ARHGAP17: variants seen among roughly 807,000 people sequenced by gnomAD.
ARHGAP17 encodes Rho GTPase activating protein 17.
A neutral mutation model predicts 99.5 loss-of-function variants in ARHGAP17; 57 were observed. That is an observed-to-expected ratio of 0.57 (90% confidence interval 0.46 to 0.71). The LOEUF (loss-of-function observed/expected upper bound fraction) is 0.71. Ranked by LOEUF, ARHGAP17 falls within the 30% of genes least tolerant of loss-of-function variation. The pLI is 0.00. For synonymous variants in ARHGAP17, 417 were observed against 429.6 expected, an observed-to-expected ratio of 0.97 and a Z score of 0.36; for missense variants, 1,000 against 1,122.4, an observed-to-expected ratio of 0.89 and a Z score of 1.56.
chr16:25,011,109 C>T (rs2053632645), intron 1 of ARHGAP17, among the ~76,000 whole-genome samples: 1 of 152,204 alleles, frequency 6.6e-6, no homozygotes, highest in Non-Finnish European at 1.5e-5. Flanking sequence ...CCCAAAAACA[C>T]CATTGGTGAT....
At chr16:24,973,394 C>G (rs1238863535) in intron 3 of ARHGAP17, among the ~76,000 whole-genome samples, 2 of 152,132 alleles carry the variant, frequency 1.3e-5, no homozygotes, top group Admixed American at 6.5e-5. Context: ...GAGACTGCTG[C>G]AATTTTCTCC....
At chr16:24,961,129 G>A (rs958624512) in intron 7 of ARHGAP17, among the ~76,000 whole-genome samples, 1 of 151,946 alleles carries the variant, frequency 6.6e-6, no homozygotes, top group African/African-American at 2.4e-5. Context: ...CTCCCAAAGT[G>A]CTAGGATTAC....
chr16:24,947,501 A>T lies in ARHGAP17; in HGVS notation c.1222T>A (p.Leu408Ile), dbSNP rs1597389010. The T allele has an allele frequency of 1.9e-6, 3 of 1,613,462 alleles. No homozygotes were observed. Among genetic ancestry groups the T allele is most frequent in the East Asian group, 4.5e-5 (2 of 44,888 alleles). The change falls in exon 14 of 20, where the codon TTA (leucine) becomes ATA (isoleucine). Residue 408 changes from leucine (L) to isoleucine (I), a missense_variant. Leu to Ile is a conservative substitution (Grantham distance 5). Coordinates refer to ENST00000289968, the MANE Select transcript of ARHGAP17 (RefSeq NM_001006634.3). The stretch of plus-strand genomic sequence containing the variant: ...ACTTACCCTTCATTTCTGGCCCATA[A>T]CAAGTTAGGGCCTAACACAATCGCA... ...NIAIVLGPNLLWARNEGTLAE... is the reference protein window; with the variant it reads ...NIAIVLGPNLIWARNEGTLAE...
chr16:25,012,987 T>C (rs1311035218), intron 1 of ARHGAP17, among the ~76,000 whole-genome samples: 1 of 151,910 alleles, frequency 6.6e-6, no homozygotes, highest in African/African-American at 2.4e-5. Flanking sequence ...GGCCATGGGG[T>C]AGGAACCACA....
At chr16:24,977,907 G>A (rs962662425) in intron 2 of ARHGAP17, among the ~76,000 whole-genome samples, 4 of 152,208 alleles carry the variant, frequency 2.6e-5, no homozygotes, top group African/African-American at 9.7e-5. Flanking sequence ...AAGAATGAGA[G>A]CAGGCCCTTT....
Position 24,942,052 on chromosome 16 carries a change from C to T in ARHGAP17, c.1425G>A (p.Gly475=), listed in dbSNP as rs1384358253. Residue 475 remains glycine, a synonymous_variant, in exon 16 of 20, where the codon GGG becomes GGA. Coordinates refer to ENST00000289968, the MANE Select transcript of ARHGAP17 (RefSeq NM_001006634.3). ...SFHTGNDSDS[G]TLERKRPASM... ...TAGCAGGCCGCTTCCTCTCCAGGGT[C>T]CCCGAGTCAGAGTCGTTTCCAGTGT... is the stretch of plus-strand genomic sequence containing the variant. 3 of 1,614,012 alleles carry T rather than the reference C, an allele frequency of 1.9e-6. No homozygotes were observed. Among genetic ancestry groups the T allele is most frequent in the African/African-American group, 1.3e-5 (1 of 74,936 alleles).
At chr16:24,960,396 T>C (rs1360227868) in intron 7 of ARHGAP17, among the ~76,000 whole-genome samples, 1 of 151,866 alleles carries the variant, frequency 6.6e-6, no homozygotes, top group Non-Finnish European at 1.5e-5. Context: ...AATACAAAAA[T>C]TAGCCAGGCG....
chr16:24,942,177 A>C (rs1315288986), intron 15 of ARHGAP17, 34 bp from the exon 16 acceptor site: 1 of 1,580,992 alleles, frequency 6.3e-7, no homozygotes, highest in Admixed American at 1.8e-5. Context: ...TGCATGAGAC[A>C]CTGAGCACAG....
chr16:25,003,956 G>A (rs1290525605), intron 1 of ARHGAP17, among the ~76,000 whole-genome samples: 3 of 152,132 alleles, frequency 2.0e-5, no homozygotes, highest in African/African-American at 7.2e-5. Context: ...CAAGTGATTT[G>A]AAAATAGAAG....
chr16:25,005,965 C>T (rs2053494127), intron 1 of ARHGAP17, among the ~76,000 whole-genome samples: 1 of 152,050 alleles, frequency 6.6e-6, no homozygotes, highest in African/African-American at 2.4e-5. Context: ...ACATTAATTT[C>T]CTATAAATCT....
At chr16:24,939,630 T>G in intron 16 of ARHGAP17, 33 bp from the exon 17 acceptor site, 1 of 1,565,152 alleles carries the variant, frequency 6.4e-7, no homozygotes, top group Non-Finnish European at 8.7e-7. Context: ...CAACACACCA[T>G]GCGAGCAGAC....
intron 1 of ARHGAP17, among the ~76,000 whole-genome samples, chr16:24,998,974 T>C (rs1203005860): frequency 6.6e-6 from 1 of 152,100 alleles, no homozygotes; most frequent in Non-Finnish European, 1.5e-5. Flanking sequence ...TGAAGACCTT[T>C]GAGGTGCTTC....
At chr16:25,005,233 T>C (rs1159481459) in intron 1 of ARHGAP17, among the ~76,000 whole-genome samples, 2 of 152,214 alleles carry the variant, frequency 1.3e-5, no homozygotes, top group Non-Finnish European at 2.9e-5. Flanking sequence ...TGTTTTTATA[T>C]CAAACATGCC....
At chr16:24,972,741 T>C (rs575905025) in intron 3 of ARHGAP17, 17 of 152,158 alleles carry the variant, frequency 1.1e-4, no homozygotes, top group Admixed American at 2.6e-4. Flanking sequence ...CAAGCATCAC[T>C]CAAGATGGCA....
rs1395155147 is a variant in ARHGAP17, at chr16:24,931,335, C to T, written c.1964G>A (p.Ser655Asn). The change falls in exon 19 of 20, where the codon AGT (serine) becomes AAT (asparagine). Residue 655 changes from serine (S) to asparagine (N), a missense_variant. Around this residue, in one of 2 missense-constraint regions of ARHGAP17, gnomAD observed 528 missense variants for 511.4 expected, o/e 1.03. Transcript: ENST00000289968. Reference protein sequence around the residue: ...NPPPGHPGGQSSSGTSQHPPS... With the variant: ...NPPPGHPGGQNSSGTSQHPPS... Reference sequence around the variant, plus strand: ...TGGATGCTGAGATGTTCCTGAAGAACTCTGGCCCCCGGGGTGGCCAGGAGG... The same window carrying T: ...TGGATGCTGAGATGTTCCTGAAGAATTCTGGCCCCCGGGGTGGCCAGGAGG... 1.3e-6 allele frequency: 2 copies of T among 1,510,752 alleles called. No homozygotes were observed. Among genetic ancestry groups the T allele is most frequent in the African/African-American group, 2.8e-5 (2 of 71,188 alleles). 93.6% of individuals were successfully genotyped at this position (1,510,752 alleles called of 1,614,324 possible). A position where few individuals can be genotyped will look rare whatever the true frequency, so the allele number is the denominator to read the frequency against.
rs756117910 is a variant in ARHGAP17 at position 24,931,204 on chromosome 16, G to A, written c.2095C>T (p.Arg699Trp). Residue 699 changes from arginine to tryptophan, a missense_variant, in exon 19 of 20, where the codon CGG becomes TGG. Physicochemically the swap from Arg to Trp is moderately radical, Grantham distance 101. Transcript: ENST00000289968. ...GGAGACAAGCTGCTGGAGTACCTCCGGGGTGCTGAGAGCTGGGAGGGGGCG... is the reference window on the plus strand; with the variant it reads ...GGAGACAAGCTGCTGGAGTACCTCCAGGGTGCTGAGAGCTGGGAGGGGGCG... ...PSAPSQLSAPRRYSSSLSPIQ... is the reference protein window; with the variant it reads ...PSAPSQLSAPWRYSSSLSPIQ... 31 of 1,576,328 alleles carry A rather than the reference G, an allele frequency of 2.0e-5. No homozygotes were observed. The highest frequency in any genetic ancestry group is 2.5e-5 in the Non-Finnish European group (29 of 1,161,480).
intron 3 of ARHGAP17, among the ~76,000 whole-genome samples, chr16:24,972,007 A>T (rs936076918): frequency 3.3e-5 from 5 of 152,256 alleles, no homozygotes; most frequent in Non-Finnish European, 7.3e-5. Flanking sequence ...TAACAAAAAA[A>T]TGCTTTCAAT....
chr16:24,978,914 A>AT (rs574914168), intron 2 of ARHGAP17, 52 bp downstream of exon 2: 4 of 1,402,002 alleles, frequency 2.9e-6, no homozygotes, highest in Admixed American at 5.5e-5. Flanking sequence ...TCACATAGGA[A>AT]TTTTTTTCCA....
rs559397358 is a variant in ARHGAP17, at chr16:24,941,993, T to C, written c.1484A>G (p.Lys495Arg). Reference sequence around the variant, plus strand: ...GTGAACGGTCAAATCATACCTTTCCTTCTTCACCAAGTCTCCTTCCATCAC... The same window carrying C: ...GTGAACGGTCAAATCATACCTTTCCCTCTTCACCAAGTCTCCTTCCATCAC... ...MAVMEGDLVK[K>R]ESFGVKLMDF... Residue 495 changes from lysine (K) to arginine (R), a missense_variant, in exon 16 of 20, where the codon AAG becomes AGG. Lys to Arg is a conservative substitution (Grantham distance 26, BLOSUM62 2). This residue lies in a region of ARHGAP17 where 472 missense variants were observed against 611.1 expected (regional missense o/e 0.77). Transcript: ENST00000289968. The C allele has an allele frequency of 2.8e-4, 447 of 1,613,990 alleles. 5 individuals carry two copies. In the South Asian group the frequency reaches 4.6e-3, roughly 17 times the overall value.
Sources: allele counts gnomAD v4.1 joint callset (sites outside exome capture counted in the v4.1 genomes callset), GRCh38; gene constraint gnomAD v4.1.1; regional missense constraint gnomAD v4.1.1; transcripts MANE v1.5; gene names NCBI Gene and HGNC (gene_info 2026-07-23, HGNC 2026-07-21).